Variants in FMN1 observed in about 807,000 individuals in gnomAD.
FMN1 encodes the protein formin 1, also known as formin-1.
In FMN1, 110 loss-of-function variants were observed where a neutral mutation model predicts 132.4. That is an observed-to-expected ratio of 0.83 (90% CI 0.71 to 0.97). The LOEUF (loss-of-function observed/expected upper bound fraction) is 0.97. Among genes scored for constraint, FMN1 ranks in the 50% least tolerant of loss-of-function variants. The pLI, the probability that FMN1 is intolerant of heterozygous loss-of-function variation, is 0.00. For synonymous variants in FMN1, 722 were observed against 651.7 expected (o/e 1.11, Z -1.64); for missense variants, 1,792 against 1,705.3 (o/e 1.05, Z -0.90).
chr15:33,118,757 T>C (rs1962271278), intron 4 of FMN1, among the ~76,000 whole-genome samples: 1 of 152,170 alleles, frequency 6.6e-6, no homozygotes, highest in Admixed American at 6.5e-5. Context: ...AGATTAAGTA[T>C]TTCTTGATAT....
At chr15:32,811,682 T>TG (rs397720920) in intron 17 of FMN1, among the ~76,000 whole-genome samples, 1 of 151,836 alleles carries the variant, frequency 6.6e-6, no homozygotes, top group African/African-American at 2.4e-5. Context: ...TTTTTTTTTT[T>TG]GAGACGGAGT....
intron 16 of FMN1, among the ~76,000 whole-genome samples, chr15:32,881,510 G>C (rs571120743): frequency 3.3e-5 from 5 of 152,272 alleles, no homozygotes; most frequent in Non-Finnish European, 7.4e-5. Context: ...AGTCCTTGAT[G>C]AGTGTTCAAT....
intron 6 of FMN1, among the ~76,000 whole-genome samples, chr15:33,062,392 CG>C (rs1336518530): frequency 6.6e-6 from 1 of 152,044 alleles, no homozygotes. Flanking sequence ...GAGGTCGAGG[CG>C]GGGGGATCAC....
At chr15:32,868,190 T>C (rs1043671664) in intron 16 of FMN1, among the ~76,000 whole-genome samples, 1 of 152,244 alleles carries the variant, frequency 6.6e-6, no homozygotes, top group African/African-American at 2.4e-5. Flanking sequence ...CCGGTGATGA[T>C]GTAGCCTTTG....
intron 6 of FMN1, among the ~76,000 whole-genome samples, chr15:33,049,733 G>A (rs917092593): frequency 6.6e-6 from 1 of 152,196 alleles, no homozygotes; most frequent in Non-Finnish European, 1.5e-5. Flanking sequence ...CCAATAAAAT[G>A]TAGCCAACTG....
chr15:33,079,181 T>C (rs370580853), intron 5 of FMN1, among the ~76,000 whole-genome samples: 4 of 152,222 alleles, frequency 2.6e-5, no homozygotes, highest in Non-Finnish European at 5.9e-5. Context: ...AAATTGTATA[T>C]GAACAGCTAT....
At chr15:33,061,626 A>G (rs933759308) in intron 6 of FMN1, among the ~76,000 whole-genome samples, 1 of 152,126 alleles carries the variant, frequency 6.6e-6, no homozygotes, top group African/African-American at 2.4e-5. Context: ...TATATAAGGA[A>G]ATCCAAAAAC....
intron 4 of FMN1, among the ~76,000 whole-genome samples, chr15:33,141,632 C>G (rs1028819743): frequency 6.6e-6 from 1 of 152,150 alleles, no homozygotes; most frequent in Non-Finnish European, 1.5e-5. Flanking sequence ...TGGGATGGCC[C>G]TTCAGAACTG....
At chr15:32,975,375 A>G (rs768027269) in intron 7 of FMN1, among the ~76,000 whole-genome samples, 6 of 152,210 alleles carry the variant, frequency 3.9e-5, no homozygotes, top group Non-Finnish European at 7.3e-5. Flanking sequence ...CTTTAGTGTT[A>G]AATATTAAGA....
At chr15:32,784,304 A>G (rs1203244915) in intron 19 of FMN1, among the ~76,000 whole-genome samples, 1 of 152,212 alleles carries the variant, frequency 6.6e-6, no homozygotes, top group African/African-American at 2.4e-5. Flanking sequence ...GCTCTGCTTC[A>G]GTTAGAAAAG....
intron 6 of FMN1, among the ~76,000 whole-genome samples, chr15:33,039,253 G>T (rs938533103): frequency 3.9e-5 from 6 of 152,118 alleles, no homozygotes; most frequent in Non-Finnish European, 7.4e-5. Context: ...GGTAGAATTC[G>T]AAAGATAAAG....
At chr15:33,051,007 C>T (rs777390502) in intron 6 of FMN1, among the ~76,000 whole-genome samples, 1 of 152,140 alleles carries the variant, frequency 6.6e-6, no homozygotes, top group Non-Finnish European at 1.5e-5. Context: ...TTGTGATGTG[C>T]CACTCAGTGT....
chr15:33,125,165 C>CT (rs1286789965), intron 4 of FMN1, among the ~76,000 whole-genome samples: 6 of 152,162 alleles, frequency 3.9e-5, no homozygotes, highest in Admixed American at 3.9e-4. Context: ...GTTTGAATCC[C>CT]TGATCCATCA....
chr15:32,816,670 G>T (rs1345100127), intron 17 of FMN1, among the ~76,000 whole-genome samples: 1 of 150,824 alleles, frequency 6.6e-6, no homozygotes, highest in African/African-American at 2.4e-5. Flanking sequence ...GCCACACTGT[G>T]ATTCTTTATA....
chr15:32,943,110 T>C (rs1043281471), intron 9 of FMN1, among the ~76,000 whole-genome samples: 2 of 152,168 alleles, frequency 1.3e-5, no homozygotes, highest in Non-Finnish European at 2.9e-5. Flanking sequence ...GATTTTCAGA[T>C]TTGGAATGCT....
intron 6 of FMN1, among the ~76,000 whole-genome samples, chr15:33,046,292 T>G (rs1429507546): frequency 3.3e-5 from 5 of 152,144 alleles, no homozygotes; most frequent in African/African-American, 1.2e-4. Flanking sequence ...TTAATAAAGA[T>G]AACTCACAGT....
rs1303277391 is a variant in FMN1 at position 32,767,915 on chromosome 15, G to A, written c.*6395C>T. On this transcript the variant is annotated 3_prime_UTR_variant, in exon 21 of 21. Coordinates refer to ENST00000616417, the MANE Select transcript of FMN1 (RefSeq NM_001277313.2). ...TATTATGCAGAACACAATCTCAGTG[G>A]CGCTGAGCTACCTTCTTTATGCCTT... The A allele has an allele frequency of 6.6e-6, 1 of 152,176 alleles. No individual in the cohort carries two copies. The highest frequency in any genetic ancestry group is 1.5e-5 in the Non-Finnish European group (1 of 68,034). The allele number at this position is 152,176 out of a possible 1,614,324, so 9.4% of individuals were successfully genotyped here.
chr15:33,119,355 A>G (rs1385333657), intron 4 of FMN1, among the ~76,000 whole-genome samples: 3 of 152,150 alleles, frequency 2.0e-5, no homozygotes, highest in Admixed American at 1.3e-4. Context: ...CCATGGTGCC[A>G]AAGGGTGGGG....
At chr15:32,869,034 T>C (rs1180793054) in intron 16 of FMN1, among the ~76,000 whole-genome samples, 1 of 152,092 alleles carries the variant, frequency 6.6e-6, no homozygotes, top group Non-Finnish European at 1.5e-5. Flanking sequence ...AACTTATGAG[T>C]TGAACTGCAA....
Sources: allele counts gnomAD v4.1 joint callset (sites outside exome capture counted in the v4.1 genomes callset), GRCh38; gene constraint gnomAD v4.1.1; transcripts MANE v1.5; gene names NCBI Gene and HGNC (gene_info 2026-07-23, HGNC 2026-07-21).